KRT7: variants seen among roughly 807,000 people sequenced by gnomAD.
The protein encoded by KRT7 is keratin 7, also known as keratin, type II cytoskeletal 7.
Under a neutral mutation model 42.8 loss-of-function variants are expected in KRT7, and 50 were observed. That is an observed-to-expected ratio of 1.17 (90% CI 0.93 to 1.48). The LOEUF (loss-of-function observed/expected upper bound fraction) is 1.48. Ranked by LOEUF, KRT7 falls within the 40% of genes most tolerant of loss-of-function variation. The pLI is 0.00. For missense variants in KRT7, 588 were observed against 637.6 expected (o/e 0.92, Z 0.84); for synonymous variants, 268 against 266.3 (o/e 1.01, Z -0.06).
intron 1 of KRT7, 123 bp from the exon 2 acceptor site, chr12:52,235,032 C>A (rs929912584): frequency 1.1e-5 from 10 of 876,890 alleles, no homozygotes; most frequent in African/African-American, 3.4e-5. Flanking sequence ...CTGGAAGCCC[C>A]AGGCAGGGAA....
chr12:52,236,803 T>C (rs1942018192), intron 2 of KRT7, among the ~76,000 whole-genome samples: 1 of 152,146 alleles, frequency 6.6e-6, no homozygotes, highest in East Asian at 1.9e-4. Flanking sequence ...CTCTGTGCCT[T>C]GTTTGCCCAG....
downstream of KRT7, among the ~76,000 whole-genome samples, chr12:52,250,277 T>G (rs1002107844): frequency 2.4e-4 from 36 of 152,168 alleles, no homozygotes; most frequent in Non-Finnish European, 1.8e-4. Context: ...CTAGGAGCCC[T>G]GTGCTCTCGG....
At chr12:52,254,269 C>T (rs1287297263), downstream of KRT7, 17 of 939,466 alleles carry the variant, frequency 1.8e-5, no homozygotes, top group Non-Finnish European at 2.7e-5. Context: ...GACCCCGCAC[C>T]TCCTCATATA....
At chr12:52,237,752 G>GTGTGTGTT (rs1942032223) in intron 3 of KRT7, 183 bp downstream of exon 3, 1 of 479,294 alleles carries the variant, frequency 2.1e-6, no homozygotes, top group Admixed American at 3.6e-5. Context: ...GTGTGTGTGT[G>GTGTGTGTT]TGTGTGTGTG....
chr12:52,249,777 G>T (rs900522745), downstream of KRT7, among the ~76,000 whole-genome samples: 1 of 152,082 alleles, frequency 6.6e-6, no homozygotes, highest in Non-Finnish European at 1.5e-5. Context: ...TGGTGTGGAT[G>T]GGGGAGCTAT....
At chr12:52,248,115 T>TGA in intron 7 of KRT7, 62 bp from the exon 8 acceptor site, 1 of 1,491,986 alleles carries the variant, frequency 6.7e-7, no homozygotes, top group East Asian at 2.3e-5. Flanking sequence ...GAGAGAGGGC[T>TGA]GAGAGCGCTT....
At chr12:52,233,865 C>G (rs1020623070) in intron 1 of KRT7, among the ~76,000 whole-genome samples, 2 of 152,162 alleles carry the variant, frequency 1.3e-5, no homozygotes, top group Non-Finnish European at 2.9e-5. Context: ...CCCTTTCCTC[C>G]CGGAGTGCGG....
chr12:52,253,243 C>T (rs1565726315), downstream of KRT7: 2 of 1,610,450 alleles, frequency 1.2e-6, no homozygotes. Flanking sequence ...CCTCGGCTGT[C>T]AGCCTCTGGA....
intron 1 of KRT7, 29 bp downstream of exon 1, chr12:52,233,649 C>T (rs764027851): frequency 6.2e-7 from 1 of 1,607,584 alleles, no homozygotes; most frequent in East Asian, 2.2e-5. Flanking sequence ...CGCCTCTCCT[C>T]GAGCCGCGCT....
downstream of KRT7, chr12:52,250,697 T>C: frequency 1.9e-6 from 1 of 534,016 alleles, no homozygotes; most frequent in Non-Finnish European, 3.5e-6. Flanking sequence ...CCCCTTCTGC[T>C]CAGAGCTTCT....
downstream of KRT7, among the ~76,000 whole-genome samples, chr12:52,254,026 C>A (rs1317032230): frequency 1.4e-4 from 22 of 152,206 alleles, no homozygotes; most frequent in South Asian, 2.1e-4. Flanking sequence ...CCAGCTTGAA[C>A]CTTTGGGTCT....
At position 52,233,496 on chromosome 12, in the gene KRT7, C is replaced by A; in HGVS notation, c.200C>A (p.Thr67Asn). Residue 67 changes from threonine (T) to asparagine (N), a missense_variant, in exon 1 of 9, where the codon ACC becomes AAC. Transcript: ENST00000331817. ...GTGGGCGCCGGCATCCGCGAGGTCA[C>A]CATTAACCAGAGCCTGCTGGCCCCG... ...GPVGAGIREV[T>N]INQSLLAPLR... 6 of 1,612,292 alleles carry A rather than the reference C, an allele frequency of 3.7e-6. No individual in the cohort carries two copies. The highest frequency in any genetic ancestry group is 5.1e-6 in the Non-Finnish European group (6 of 1,179,690).
chr12:52,252,254 G>C (rs1001379511), downstream of KRT7: 1 of 1,613,284 alleles, frequency 6.2e-7, no homozygotes, highest in Non-Finnish European at 8.5e-7. Context: ...CACAGCTGTG[G>C]TCCTCACCTC....
At chr12:52,255,011 G>C (rs1469172040), downstream of KRT7, among the ~76,000 whole-genome samples, 1 of 152,154 alleles carries the variant, frequency 6.6e-6, no homozygotes, top group Non-Finnish European at 1.5e-5. Context: ...TCTTTCACTC[G>C]CAAATATTTA....
chr12:52,250,972 C>CTTTTTTA (rs879479709), downstream of KRT7, among the ~76,000 whole-genome samples: 2 of 152,116 alleles, frequency 1.3e-5, no homozygotes, highest in African/African-American at 2.4e-5. Context: ...GGTGGCCAAC[C>CTTTTTTA]TTTTTTATTT....
rs760544544 is a variant in KRT7 at position 52,233,630 on chromosome 12, A to T, written c.324+10A>T. ...CTCCTTCATCGACAAGGTGAGCGGG[A>T]CTGGACCTCGCCTCTCCTCGAGCCG... On this transcript the variant is annotated intron_variant, in intron 1 of 8. Transcript: ENST00000331817. 14 of 1,611,536 alleles carry T rather than the reference A, an allele frequency of 8.7e-6. No homozygotes were observed. In the Admixed American group the frequency reaches 2.3e-4, roughly 27 times the overall value.
intron 1 of KRT7, among the ~76,000 whole-genome samples, chr12:52,234,142 C>T (rs1472225067): frequency 6.7e-6 from 1 of 149,500 alleles, no homozygotes; most frequent in Non-Finnish European, 1.5e-5. Flanking sequence ...GGGGGGCTCC[C>T]GCCCCTCCCC....
rs1363342883 is a variant in KRT7, at chr12:52,241,533, G to T, written c.755G>T (p.Ser252Ile). ...TCTGTGGTGCTGTCCATGGACAACA[G>T]TCGCTCCCTGGACCTGGACGGCATC... ...DTSVVLSMDN[S>I]RSLDLDGIIA... The change falls in exon 5 of 9, where the codon AGT becomes ATT. Residue 252 changes from serine (S) to isoleucine (I), a missense_variant. Transcript: ENST00000331817. 6.2e-7 allele frequency: 1 copy of T among 1,613,812 alleles called. No individual in the cohort carries two copies. The highest frequency in any genetic ancestry group is 2.2e-5 in the East Asian group (1 of 44,886).
At chr12:52,250,481 G>A, downstream of KRT7, 6 of 637,292 alleles carry the variant, frequency 9.4e-6, 1 homozygote, top group East Asian at 6.3e-5. Flanking sequence ...CGAAGCGCAC[G>A]GAGCGGCCGC....
Sources: gnomAD v4.1 joint callset for allele counts (sites outside exome capture counted in the v4.1 genomes callset) on GRCh38, gnomAD v4.1.1 for gene constraint, MANE v1.5 for transcripts, NCBI Gene and HGNC (gene_info 2026-07-23, HGNC 2026-07-21) for gene names.